The following CPLX2 variants were observed in gnomAD, a reference collection of about 807,000 sequenced individuals.
The protein encoded by CPLX2 is complexin 2, also known as complexin-2.
In CPLX2, 5 loss-of-function variants were observed where a neutral mutation model predicts 16.3. The observed-to-expected ratio is 0.31, with a 90% CI of 0.16 to 0.64. CPLX2 has a LOEUF of 0.64. CPLX2 is among the 30% of genes least tolerant of loss of function. The probability of loss-of-function intolerance (pLI) is 0.79; values close to 1 mark genes in which losing one functional copy is unlikely to be tolerated. For missense variants in CPLX2, 144 were observed against 181.4 expected (o/e 0.79, Z 1.18); for synonymous variants, 89 against 73.2 (o/e 1.22, Z -1.10).
intron 3 of CPLX2, 104 bp from the exon 4 acceptor site, chr5:175,879,744 G>A: frequency 1.9e-6 from 2 of 1,064,290 alleles, no homozygotes. Context: ...CTGAGGCTTG[G>A]GAGGCACTCC....
chr5:175,855,748 T>C (rs1759242471), intron 2 of CPLX2, among the ~76,000 whole-genome samples: 1 of 152,228 alleles, frequency 6.6e-6, no homozygotes, highest in Non-Finnish European at 1.5e-5. Flanking sequence ...TGGACCATCT[T>C]GGATCACATG....
chr5:175,841,600 C>T (rs528434916), intron 2 of CPLX2, among the ~76,000 whole-genome samples: 1 of 152,288 alleles, frequency 6.6e-6, no homozygotes, highest in Admixed American at 6.5e-5. Flanking sequence ...AAGTCTCTTC[C>T]ACACTGCAGG....
intron 2 of CPLX2, among the ~76,000 whole-genome samples, chr5:175,854,550 C>T (rs1411503395): frequency 6.6e-6 from 1 of 152,154 alleles, no homozygotes; most frequent in Non-Finnish European, 1.5e-5. Context: ...GCCTTAGAAC[C>T]GTGCCTGGCA....
intron 2 of CPLX2, among the ~76,000 whole-genome samples, chr5:175,866,039 C>T (rs1759470206): frequency 6.6e-6 from 1 of 152,208 alleles, no homozygotes; most frequent in African/African-American, 2.4e-5. Context: ...AAGGAGGATT[C>T]TAATGTGTAA....
In CPLX2 at chr5:175,809,346, A is replaced by G. The variant is rs1193106031; in HGVS notation, c.-89+278A>G. Reference sequence around the variant, plus strand: ...TATTATCCCCAGTTACAGATGAGAAAACTGAAGCTCAGAGAGTGAAAGGAC... The same window carrying G: ...TATTATCCCCAGTTACAGATGAGAAGACTGAAGCTCAGAGAGTGAAAGGAC... On this transcript the variant is annotated intron_variant, in intron 2 of 4. Transcript: ENST00000359546. This position sits in a 1 kb window ranked among gnomAD's most constrained non-coding sequence, Gnocchi z 4.4. 6.6e-6 allele frequency: 1 copy of G among 152,210 alleles called. No individual in the cohort carries two copies. The highest frequency in any genetic ancestry group is 6.5e-5 in the Admixed American group (1 of 15,278). The allele number at this position is 152,210 out of a possible 1,614,324, so 9.4% of individuals were successfully genotyped here.
At chr5:175,797,214 GC>G (rs1758002171) in intron 1 of CPLX2, among the ~76,000 whole-genome samples, 1 of 152,176 alleles carries the variant, frequency 6.6e-6, no homozygotes, top group Non-Finnish European at 1.5e-5. Flanking sequence ...CGGGTCTGGG[GC>G]CCCCAGCGCG....
intron 2 of CPLX2, among the ~76,000 whole-genome samples, chr5:175,818,772 C>T (rs1324035674): frequency 7.0e-6 from 1 of 143,884 alleles, no homozygotes; most frequent in East Asian, 2.2e-4. Flanking sequence ...AGCGATTCTC[C>T]TGCCTCAGCC....
At chr5:175,879,491 G>A (rs893426476) in intron 3 of CPLX2, among the ~76,000 whole-genome samples, 5 of 152,226 alleles carry the variant, frequency 3.3e-5, no homozygotes, top group African/African-American at 1.2e-4. Flanking sequence ...CTGTTAGTGC[G>A]TGCAATAAAT....
upstream of CPLX2, chr5:175,871,435 G>GAC (rs1759600414): frequency 7.6e-5 from 4 of 52,874 alleles, no homozygotes; most frequent in East Asian, 4.5e-4. Flanking sequence ...GAGAGAGACA[G>GAC]AGAGAGAGAG....
chr5:175,796,562 G>C (rs1202318517), exon 1 of CPLX2: 2 of 152,310 alleles, frequency 1.3e-5, no homozygotes, highest in Non-Finnish European at 2.9e-5. Context: ...CCTGGGAGCG[G>C]GTCTGCCCTT....
chr5:175,879,046 C>G lies in CPLX2; in HGVS notation c.170C>G (p.Ala57Gly). Residue 57 changes from alanine (A) to glycine (G), a missense_variant, in exon 3 of 4, where the codon GCG becomes GGG. Coordinates refer to ENST00000393745, the MANE Select transcript of CPLX2 (RefSeq NM_001008220.2). ...ERKAKHARME[A>G]EREKVRQQIR... Reference sequence around the variant, plus strand: ...AAGGCCAAGCACGCGCGCATGGAGGCGGAGCGGGAGAAGGTCCGGCAGCAG... The same window carrying G: ...AAGGCCAAGCACGCGCGCATGGAGGGGGAGCGGGAGAAGGTCCGGCAGCAG... The G allele has an allele frequency of 6.3e-7, 1 of 1,586,572 alleles. No homozygotes were observed. Among genetic ancestry groups the G allele is most frequent in the Non-Finnish European group, 8.6e-7 (1 of 1,166,894 alleles).
chr5:175,862,422 A>C (rs1198636190), intron 2 of CPLX2, among the ~76,000 whole-genome samples: 5 of 152,228 alleles, frequency 3.3e-5, no homozygotes, highest in Admixed American at 2.6e-4. Context: ...GGTCAAAGCA[A>C]AGGTTTGCCA....
chr5:175,804,578 A>T lies in CPLX2; in HGVS notation c.-168-4411A>T, dbSNP rs948324413. ...AGTAGGGTACTGGTTAAAGTCCTCT[A>T]GCGCCTGGCTACTCAATGTGTGGTC... On this transcript the variant is annotated intron_variant, in intron 1 of 4. Coordinates refer to the CPLX2 transcript ENST00000359546. Among the ~76,000 whole-genome samples, 35 of 152,330 alleles carry T rather than the reference A, an allele frequency of 2.3e-4. No individual in the cohort carries two copies. The South Asian group carries it at 3.5e-3, about 15-fold the overall frequency.
chr5:175,802,147 G>A (rs1438451595), intron 1 of CPLX2, among the ~76,000 whole-genome samples: 1 of 152,166 alleles, frequency 6.6e-6, no homozygotes, highest in Non-Finnish European at 1.5e-5. Context: ...TAGCCAGTTG[G>A]GCCAGGAAAC....
At chr5:175,810,527 T>C (rs1490018724) in intron 2 of CPLX2, among the ~76,000 whole-genome samples, 1 of 152,206 alleles carries the variant, frequency 6.6e-6, no homozygotes, top group Non-Finnish European at 1.5e-5. Context: ...TCCAGCCCCA[T>C]GCTTAGTGCA....
chr5:175,807,835 A>T (rs1254438791), intron 1 of CPLX2, among the ~76,000 whole-genome samples: 2 of 152,116 alleles, frequency 1.3e-5, no homozygotes, highest in African/African-American at 4.8e-5. Context: ...GGGTCTGAGG[A>T]TTGTGTTAGG....
At chr5:175,875,163 G>A (rs1025821303) in intron 1 of CPLX2, among the ~76,000 whole-genome samples, 1 of 152,196 alleles carries the variant, frequency 6.6e-6, no homozygotes, top group African/African-American at 2.4e-5. Flanking sequence ...GTGAAGATGT[G>A]GAGATACCAT....
intron 2 of CPLX2, among the ~76,000 whole-genome samples, chr5:175,823,473 T>C (rs1758550810): frequency 6.6e-6 from 1 of 152,152 alleles, no homozygotes; most frequent in Non-Finnish European, 1.5e-5. Flanking sequence ...GATGGATGAA[T>C]GGTTCAGAGA....
At chr5:175,802,124 A>G (rs1392977615) in intron 1 of CPLX2, among the ~76,000 whole-genome samples, 1 of 152,182 alleles carries the variant, frequency 6.6e-6, no homozygotes, top group Non-Finnish European at 1.5e-5. Flanking sequence ...TGTGGGGTAC[A>G]TTGCTGAATT....
Sources: gnomAD v4.1 joint callset for allele counts (sites outside exome capture counted in the v4.1 genomes callset) on GRCh38, gnomAD v4.1.1 for gene constraint, Gnocchi (gnomAD v3.1) non-coding constraint, MANE v1.5 for transcripts, NCBI Gene and HGNC (gene_info 2026-07-23, HGNC 2026-07-21) for gene names.